SLC35F2: variants seen among roughly 807,000 people sequenced by gnomAD.
SLC35F2 encodes the protein queuine/queuosine transporter SLC35F2.
In SLC35F2, 25 loss-of-function variants were observed where a neutral mutation model predicts 38.1. That is an observed-to-expected ratio of 0.66 (90% CI 0.48 to 0.92). The LOEUF is 0.92. Ranked by LOEUF, SLC35F2 falls within the 40% of genes least tolerant of loss-of-function variation. The pLI is 0.00. For synonymous variants in SLC35F2, 173 were observed against 181.7 expected (o/e 0.95, Z 0.38); for missense variants, 409 against 452.9 (o/e 0.90, Z 0.88).
At chr11:107,817,089 A>G (rs752293253) in intron 1 of SLC35F2, among the ~76,000 whole-genome samples, 6 of 152,258 alleles carry the variant, frequency 3.9e-5, no homozygotes, top group Non-Finnish European at 8.8e-5. Context: ...CAGCCTGGCC[A>G]ACATGGTGAA....
At chr11:107,820,042 G>A (rs934352326) in intron 1 of SLC35F2, among the ~76,000 whole-genome samples, 3 of 151,986 alleles carry the variant, frequency 2.0e-5, no homozygotes, top group African/African-American at 7.2e-5. Context: ...GATTACCCGA[G>A]GTCAGGAGTT....
intron 7 of SLC35F2, among the ~76,000 whole-genome samples, chr11:107,795,409 C>T (rs1859202414): frequency 6.6e-6 from 1 of 152,066 alleles, no homozygotes; most frequent in Non-Finnish European, 1.5e-5. Context: ...TTGGTCTAGA[C>T]AAAGATTTTA....
intron 2 of SLC35F2, among the ~76,000 whole-genome samples, chr11:107,813,449 A>T (rs1388561500): frequency 6.6e-6 from 1 of 152,106 alleles, no homozygotes; most frequent in East Asian, 1.9e-4. Flanking sequence ...GGGCAACAAG[A>T]GCGAAACTCC....
intron 1 of SLC35F2, among the ~76,000 whole-genome samples, chr11:107,842,073 A>G (rs531156552): frequency 6.6e-6 from 1 of 151,256 alleles, no homozygotes; most frequent in East Asian, 1.9e-4. Flanking sequence ...CTCAAAAAAA[A>G]AGAAAAATAA....
At chr11:107,817,547 T>G in intron 1 of SLC35F2, among the ~76,000 whole-genome samples, 1 of 152,218 alleles carries the variant, frequency 6.6e-6, no homozygotes, top group East Asian at 1.9e-4. Flanking sequence ...TCATTTCTCA[T>G]GTCTAAAACC....
intron 1 of SLC35F2, among the ~76,000 whole-genome samples, chr11:107,849,286 T>C (rs1440097668): frequency 6.6e-6 from 1 of 152,100 alleles, no homozygotes; most frequent in African/African-American, 2.4e-5. Context: ...GAGGCATGGA[T>C]GGAAGCTATT....
chr11:107,799,644 G>A lies in SLC35F2; in HGVS notation c.939+3357C>T, dbSNP rs148994847. Among the ~76,000 whole-genome samples the A allele has an allele frequency of 2.9e-3, 443 of 152,262 alleles. 1 individual carries two copies. Among genetic ancestry groups the A allele is most frequent in the East Asian group, 0.028 (146 of 5,166 alleles). ...CTCACCCTGTCACCCAGGCTGGAGT[G>A]CAATGGCATGATCTCGGCTCACTGC... On this transcript the variant is annotated intron_variant, in intron 7 of 7. Coordinates refer to ENST00000525815, the MANE Select transcript of SLC35F2 (RefSeq NM_017515.5).
chr11:107,858,576 G>A (rs1860335510), intron 1 of SLC35F2, 82 bp downstream of exon 1: 2 of 1,188,116 alleles, frequency 1.7e-6, no homozygotes, highest in Admixed American at 4.2e-5. Flanking sequence ...GCCTCAGAGA[G>A]TGTGCTCCTT....
intron 1 of SLC35F2, among the ~76,000 whole-genome samples, chr11:107,825,361 C>CTTTTT (rs112751391): frequency 1.2e-3 from 150 of 123,574 alleles, no homozygotes; most frequent in African/African-American, 3.2e-3. Flanking sequence ...GCATTTCTTT[C>CTTTTT]TTTTTTTTTT....
chr11:107,818,202 C>T (rs979486799), intron 1 of SLC35F2, among the ~76,000 whole-genome samples: 1 of 151,862 alleles, frequency 6.6e-6, no homozygotes, highest in Non-Finnish European at 1.5e-5. Context: ...GAGGCTGAGG[C>T]GGGTGAATTA....
chr11:107,824,704 A>C (rs1859726633), intron 1 of SLC35F2, among the ~76,000 whole-genome samples: 1 of 152,182 alleles, frequency 6.6e-6, no homozygotes, highest in Non-Finnish European at 1.5e-5. Context: ...CTAAGGGTTA[A>C]TTGATGTAAC....
chr11:107,794,569 T>TA (rs1171178590), intron 7 of SLC35F2, among the ~76,000 whole-genome samples: 1 of 152,194 alleles, frequency 6.6e-6, no homozygotes, highest in African/African-American at 2.4e-5. Flanking sequence ...AACCTGATTT[T>TA]AAAATTAGGA....
chr11:107,847,852 T>C (rs1591210220), intron 1 of SLC35F2, among the ~76,000 whole-genome samples: 2 of 152,250 alleles, frequency 1.3e-5, no homozygotes, highest in African/African-American at 2.4e-5. Context: ...CTGAACCAAG[T>C]GCCAAGTGAG....
rs1009788021 is a variant in SLC35F2, at chr11:107,817,126, A to G, written c.111-1161T>C. 3.3e-5 allele frequency among the ~76,000 whole-genome samples: 5 copies of G among 152,082 alleles called. No individual in the cohort carries two copies. In the East Asian group the frequency reaches 9.7e-4, roughly 29 times the overall value. On this transcript the variant is annotated intron_variant, in intron 1 of 7. Transcript: ENST00000525815. The stretch of plus-strand genomic sequence containing the variant: ...CCGCGTCTCTACTAAAACTACAAAC[A>G]TTAGCGGGGTGTGGTGGCAGGCGCC...
At chr11:107,792,851 G>T in intron 7 of SLC35F2, 51 bp from the exon 8 acceptor site, 1 of 1,463,480 alleles carries the variant, frequency 6.8e-7, no homozygotes, top group Non-Finnish European at 9.0e-7. Context: ...ACACATCTTT[G>T]CTGCTGGCTT....
At chr11:107,856,331 T>C (rs1860280906) in intron 1 of SLC35F2, among the ~76,000 whole-genome samples, 1 of 152,132 alleles carries the variant, frequency 6.6e-6, no homozygotes, top group Non-Finnish European at 1.5e-5. Context: ...GTCTGCCCTT[T>C]CCTGCATAGT....
At chr11:107,798,578 AG>A (rs1423294893) in intron 7 of SLC35F2, among the ~76,000 whole-genome samples, 2 of 152,192 alleles carry the variant, frequency 1.3e-5, no homozygotes, top group African/African-American at 4.8e-5. Flanking sequence ...GGATCTATAC[AG>A]GAAGTTTCTT....
rs1300886673 is a variant in SLC35F2, at chr11:107,827,178, G to A, written c.111-11213C>T. ...GGTACAATTGACTCATGAGTACTTC[G>A]TAGTATGTCATGAGTATTTCATAAC... On this transcript the variant is annotated intron_variant, in intron 1 of 7. Coordinates refer to ENST00000525815, the MANE Select transcript of SLC35F2 (RefSeq NM_017515.5). 5.3e-5 allele frequency among the ~76,000 whole-genome samples: 8 copies of A among 152,054 alleles called. No homozygotes were observed. The South Asian group carries it at 8.3e-4, about 16-fold the overall frequency.
intron 1 of SLC35F2, among the ~76,000 whole-genome samples, chr11:107,831,011 C>T (rs1215491096): frequency 6.6e-6 from 1 of 152,080 alleles, no homozygotes; most frequent in Non-Finnish European, 1.5e-5. Flanking sequence ...TATATGGCTA[C>T]CCAGGTAGGT....
Sources: allele counts gnomAD v4.1 joint callset (sites outside exome capture counted in the v4.1 genomes callset), GRCh38; gene constraint gnomAD v4.1.1; transcripts MANE v1.5; gene names NCBI Gene and HGNC (gene_info 2026-07-23, HGNC 2026-07-21).